UNC5D: variants seen among roughly 807,000 people sequenced by gnomAD.
UNC5D encodes the protein unc-5 netrin receptor D.
UNC5D carries 39 observed loss-of-function variants against 105.4 expected under a neutral mutation model. The observed-to-expected ratio is 0.37, with a 90% CI of 0.29 to 0.48. The LOEUF (loss-of-function observed/expected upper bound fraction) is 0.48, where lower values mean the gene tolerates loss of function less well. Ranked by LOEUF, UNC5D falls within the 20% of genes least tolerant of loss-of-function variation. The pLI is 0.98. For synonymous variants in UNC5D, 452 were observed against 450.4 expected, an observed-to-expected ratio of 1.00 and a Z score of -0.04; for missense variants, 991 against 1,202.4, an observed-to-expected ratio of 0.82 and a Z score of 2.60.
intron 1 of UNC5D, among the ~76,000 whole-genome samples, chr8:35,362,686 G>A (rs924337494): frequency 2.0e-5 from 3 of 152,012 alleles, no homozygotes; most frequent in Non-Finnish European, 4.4e-5. Context: ...AGAACCACAC[G>A]CAATTATCAA....
intron 8 of UNC5D, among the ~76,000 whole-genome samples, chr8:35,710,231 T>C (rs2131476500): frequency 6.6e-6 from 1 of 152,256 alleles, no homozygotes; most frequent in East Asian, 1.9e-4. Flanking sequence ...CAAGAGGAAT[T>C]GTAAAAATGG....
Position 35,453,194 on chromosome 8 carries a change from C to G in UNC5D, c.104-96098C>G, listed in dbSNP as rs186792409. On this transcript the variant is annotated intron_variant, in intron 1 of 16. Coordinates refer to ENST00000404895, the MANE Select transcript of UNC5D (RefSeq NM_080872.4). The stretch of plus-strand genomic sequence containing the variant: ...ACATTTTCATATTTGAATTTCTGTT[C>G]CTGTCTCCAGTAGCATTTTCTAGGA... 2.7e-3 allele frequency among the ~76,000 whole-genome samples: 408 copies of G among 152,166 alleles called. 2 individuals are homozygous for G. The highest frequency in any genetic ancestry group is 9.4e-3 in the African/African-American group (392 of 41,514).
intron 3 of UNC5D, among the ~76,000 whole-genome samples, chr8:35,589,409 T>C (rs938486457): frequency 1.3e-5 from 2 of 151,162 alleles, no homozygotes; most frequent in Non-Finnish European, 3.0e-5. Flanking sequence ...CTCTCATCTT[T>C]TTTTTTTTTT....
chr8:35,612,770 T>C (rs1471426189), intron 4 of UNC5D, among the ~76,000 whole-genome samples: 1 of 132,466 alleles, frequency 7.5e-6, no homozygotes, highest in Non-Finnish European at 1.6e-5. Context: ...TCAGGAATCC[T>C]ACAAAGGTTT....
rs1417351820 is a variant in UNC5D at position 35,792,144 on chromosome 8, T to A, written c.*1581T>A. 1 of 152,096 alleles carries A rather than the reference T, an allele frequency of 6.6e-6. No homozygotes were observed. Among genetic ancestry groups the A allele is most frequent in the Admixed American group, 6.6e-5 (1 of 15,236 alleles). 9.4% of individuals were successfully genotyped at this position (152,096 alleles called of 1,614,324 possible). On this transcript the variant is annotated 3_prime_UTR_variant, in exon 17 of 17. Transcript: ENST00000404895. ...ATGGGGGAGGTGGGGAGTTGGGGAGTACTTGGCAGTTGGGATATGATCCAT... is the reference window on the plus strand; with the variant it reads ...ATGGGGGAGGTGGGGAGTTGGGGAGAACTTGGCAGTTGGGATATGATCCAT...
chr8:35,622,993 C>G lies in UNC5D; in HGVS notation c.570+27336C>G. Among the ~76,000 whole-genome samples, 2 of 152,174 alleles carry G rather than the reference C, an allele frequency of 1.3e-5. 1 individual carries two copies. Among genetic ancestry groups the G allele is most frequent in the East Asian group, 3.9e-4 (2 of 5,192 alleles). On this transcript the variant is annotated intron_variant, in intron 4 of 16. Transcript: ENST00000404895. ...AAAGCCATTTACTTTCATTGTAAAA[C>G]AATGAAGAATGTGAACAACTTGATT...
chr8:35,569,572 G>C (rs1687406902), intron 3 of UNC5D, among the ~76,000 whole-genome samples: 1 of 152,204 alleles, frequency 6.6e-6, no homozygotes, highest in Admixed American at 6.5e-5. Flanking sequence ...ATAGGCCAGG[G>C]AGAAGAGGTC....
Position 35,593,444 on chromosome 8 carries a change from AC to A in UNC5D, c.467-2109del, listed in dbSNP as rs201128062. On this transcript the variant is annotated intron_variant, in intron 3 of 16. Transcript: ENST00000404895. ...AACAAAGCAATGAAGGAAAAGGAAAACAAAAATAACAAACAAACCAAACAAA... is the reference window on the plus strand; with the variant it reads ...AACAAAGCAATGAAGGAAAAGGAAAAAAAAATAACAAACAAACCAAACAAA... Among the ~76,000 whole-genome samples, 293 of 152,236 alleles carry A rather than the reference AC, an allele frequency of 1.9e-3. 1 individual carries two copies. Among genetic ancestry groups the A allele is most frequent in the African/African-American group, 6.6e-3 (273 of 41,542 alleles).
At chr8:35,705,326 A>G (rs1485113596) in intron 7 of UNC5D, among the ~76,000 whole-genome samples, 1 of 152,180 alleles carries the variant, frequency 6.6e-6, no homozygotes, top group African/African-American at 2.4e-5. Flanking sequence ...GTGATTATAA[A>G]ATGACAACTT....
chr8:35,268,799 A>C (rs1288158344), intron 1 of UNC5D, among the ~76,000 whole-genome samples: 3 of 152,210 alleles, frequency 2.0e-5, no homozygotes, highest in Non-Finnish European at 4.4e-5. Flanking sequence ...CTTAAGGATG[A>C]GGAATACAGT....
chr8:35,547,897 G>A (rs1037321963), intron 1 of UNC5D, among the ~76,000 whole-genome samples: 43 of 152,248 alleles, frequency 2.8e-4, no homozygotes, highest in South Asian at 6.2e-4. Flanking sequence ...CCCACAATAG[G>A]CCGTCTGCAA....
intron 4 of UNC5D, among the ~76,000 whole-genome samples, chr8:35,657,110 A>G (rs1225364785): frequency 1.9e-4 from 21 of 113,370 alleles, no homozygotes; most frequent in Admixed American, 5.2e-4. Flanking sequence ...ATATATATAT[A>G]TATATATATA....
intron 4 of UNC5D, 147 bp from the exon 5 acceptor site, chr8:35,683,400 C>A: frequency 1.3e-6 from 1 of 768,070 alleles, no homozygotes; most frequent in Non-Finnish European, 1.9e-6. Context: ...ATAAAAGGGA[C>A]AGGATATGGA....
intron 1 of UNC5D, among the ~76,000 whole-genome samples, chr8:35,442,059 T>A (rs2128984462): frequency 6.6e-6 from 1 of 152,130 alleles, no homozygotes; most frequent in East Asian, 1.9e-4. Context: ...GATGTTTCCT[T>A]GCAAAACGTG....
chr8:35,258,870 C>A (rs1038697968), intron 1 of UNC5D, among the ~76,000 whole-genome samples: 1 of 152,044 alleles, frequency 6.6e-6, no homozygotes. Context: ...GGAGTTTACC[C>A]AGAGGAAGTG....
intron 1 of UNC5D, among the ~76,000 whole-genome samples, chr8:35,247,218 A>T (rs1803164245): frequency 6.9e-6 from 1 of 145,602 alleles, no homozygotes; most frequent in Non-Finnish European, 1.5e-5. Flanking sequence ...CTGTTAAAGG[A>T]TGTTTTCCTT....
intron 7 of UNC5D, among the ~76,000 whole-genome samples, chr8:35,688,160 AC>A (rs1175086762): frequency 2.8e-5 from 4 of 143,144 alleles, no homozygotes; most frequent in African/African-American, 8.8e-5. Context: ...AACAACAACA[AC>A]AAAAAAAAAC....
At chr8:35,635,533 G>A (rs1057377348) in intron 4 of UNC5D, among the ~76,000 whole-genome samples, 13 of 152,030 alleles carry the variant, frequency 8.6e-5, no homozygotes, top group African/African-American at 3.1e-4. Context: ...TTGCCTGCTT[G>A]GAAAACATGA....
At chr8:35,448,136 TA>T (rs902306777) in intron 1 of UNC5D, among the ~76,000 whole-genome samples, 3 of 152,038 alleles carry the variant, frequency 2.0e-5, no homozygotes, top group Non-Finnish European at 2.9e-5. Flanking sequence ...GAACTGGAGT[TA>T]AAAAAATATA....
Sources: gnomAD v4.1 joint callset for allele counts (sites outside exome capture counted in the v4.1 genomes callset) on GRCh38, gnomAD v4.1.1 for gene constraint, MANE v1.5 for transcripts, NCBI Gene and HGNC (gene_info 2026-07-23, HGNC 2026-07-21) for gene names.